The following SCD5 variants were observed in gnomAD, a reference collection of about 807,000 sequenced individuals.
SCD5 encodes the protein stearoyl-CoA desaturase 5, also known as acyl-CoA-desaturase 4.
A neutral mutation model predicts 30.4 loss-of-function variants in SCD5; 20 were observed. The observed-to-expected ratio is 0.66, with a 90% CI of 0.46 to 0.96. SCD5 has a LOEUF of 0.96. Ranked by LOEUF, SCD5 falls within the 40% of genes least tolerant of loss-of-function variation. SCD5 has a pLI of 0.00. For synonymous variants in SCD5, 173 were observed against 176.4 expected, an observed-to-expected ratio of 0.98 and a Z score of 0.16; for missense variants, 381 against 443.3, an observed-to-expected ratio of 0.86 and a Z score of 1.26.
intron 1 of SCD5, among the ~76,000 whole-genome samples, chr4:82,788,252 T>C (rs532612939): frequency 3.9e-5 from 6 of 152,284 alleles, no homozygotes; most frequent in African/African-American, 1.4e-4. Flanking sequence ...AGTCACCCAG[T>C]TTGTGGTACT....
At chr4:82,651,477 G>T (rs1446631038) in intron 3 of SCD5, among the ~76,000 whole-genome samples, 1 of 151,988 alleles carries the variant, frequency 6.6e-6, no homozygotes, top group Non-Finnish European at 1.5e-5. Context: ...AGGGTGGGGG[G>T]TGGTGAGGGA....
chr4:82,754,781 T>C (rs1721197634), intron 1 of SCD5, among the ~76,000 whole-genome samples: 1 of 152,192 alleles, frequency 6.6e-6, no homozygotes, highest in Non-Finnish European at 1.5e-5. Flanking sequence ...CTGCAGAGCC[T>C]GGGGATGAAG....
intron 1 of SCD5, among the ~76,000 whole-genome samples, chr4:82,737,908 A>G (rs1720784729): frequency 6.6e-6 from 1 of 152,070 alleles, no homozygotes; most frequent in African/African-American, 2.4e-5. Context: ...ACAAAACTTA[A>G]GTATTTGAAA....
chr4:82,798,167 C>G (rs538689420), intron 1 of SCD5, 139 bp downstream of exon 1: 3 of 975,076 alleles, frequency 3.1e-6, no homozygotes, highest in Middle Eastern at 4.7e-4. Context: ...CCAAGGGGGC[C>G]GCGGCGCGCA....
At chr4:82,646,182 T>C (rs967814228) in intron 3 of SCD5, among the ~76,000 whole-genome samples, 2 of 152,182 alleles carry the variant, frequency 1.3e-5, no homozygotes, top group Admixed American at 6.5e-5. Context: ...CTTAACATGT[T>C]TGGATTTTTA....
intron 3 of SCD5, among the ~76,000 whole-genome samples, chr4:82,637,839 C>CT (rs777852694): frequency 3.0e-4 from 46 of 151,702 alleles, no homozygotes; most frequent in Non-Finnish European, 4.1e-4. Flanking sequence ...GAACATGCCT[C>CT]TTTTTTTTTC....
chr4:82,655,583 G>A (rs1727852992), intron 3 of SCD5, among the ~76,000 whole-genome samples: 1 of 152,210 alleles, frequency 6.6e-6, no homozygotes, highest in Admixed American at 6.5e-5. Context: ...TGGAAGTCAT[G>A]AGAGAATGCC....
chr4:82,784,859 C>A (rs1287961388), intron 1 of SCD5, among the ~76,000 whole-genome samples: 1 of 152,210 alleles, frequency 6.6e-6, no homozygotes, highest in Non-Finnish European at 1.5e-5. Context: ...CAGATTTAAG[C>A]CCTGCAGCTG....
At chr4:82,676,735 G>A (rs1728444679) in intron 3 of SCD5, among the ~76,000 whole-genome samples, 1 of 152,222 alleles carries the variant, frequency 6.6e-6, no homozygotes, top group African/African-American at 2.4e-5. Flanking sequence ...ACTTTGTGGA[G>A]AGAAGTGTGG....
chr4:82,730,646 CG>C (rs1309766693), intron 1 of SCD5, among the ~76,000 whole-genome samples: 1 of 136,658 alleles, frequency 7.3e-6, no homozygotes, highest in Non-Finnish European at 1.5e-5. Context: ...AGTGCAGTGG[CG>C]GGATCTTGGC....
At chr4:82,640,715 T>A (rs1727524690) in intron 3 of SCD5, among the ~76,000 whole-genome samples, 2 of 152,192 alleles carry the variant, frequency 1.3e-5, no homozygotes, top group African/African-American at 4.8e-5. Context: ...TCACTGGCCT[T>A]TGTGCTTCAG....
intron 1 of SCD5, among the ~76,000 whole-genome samples, chr4:82,768,281 CTGTT>C (rs1192965397): frequency 4.6e-5 from 7 of 152,140 alleles, no homozygotes; most frequent in Non-Finnish European, 8.8e-5. Context: ...AAATCCAAGT[CTGTT>C]TGGCACTAAA....
At chr4:82,660,465 T>C (rs1225142598) in intron 3 of SCD5, 1 of 950,180 alleles carries the variant, frequency 1.1e-6, no homozygotes, top group Non-Finnish European at 1.3e-6. Flanking sequence ...TACAGGTTTT[T>C]AGAACCTAAA....
chr4:82,794,696 C>G (rs2148855326), intron 1 of SCD5, among the ~76,000 whole-genome samples: 1 of 149,884 alleles, frequency 6.7e-6, no homozygotes, highest in African/African-American at 2.5e-5. Context: ...GTCGCCTAGG[C>G]TGGAGTGCAG....
intron 1 of SCD5, among the ~76,000 whole-genome samples, chr4:82,786,805 A>AC (rs1461614694): frequency 6.6e-6 from 1 of 151,590 alleles, no homozygotes; most frequent in Non-Finnish European, 1.5e-5. Flanking sequence ...AAAAAAAAAA[A>AC]AAAAAACAAG....
At chr4:82,695,636 T>C (rs1174372516) in intron 2 of SCD5, among the ~76,000 whole-genome samples, 1 of 152,220 alleles carries the variant, frequency 6.6e-6, no homozygotes, top group East Asian at 1.9e-4. Context: ...GGACATCCAA[T>C]AAGAGATGTC....
At chr4:82,732,157 G>C (rs1055254282) in intron 1 of SCD5, among the ~76,000 whole-genome samples, 1 of 152,018 alleles carries the variant, frequency 6.6e-6, no homozygotes, top group Non-Finnish European at 1.5e-5. Context: ...CTGGAGTGCA[G>C]TGGTGTGATC....
intron 1 of SCD5, among the ~76,000 whole-genome samples, chr4:82,753,047 C>T (rs1276888295): frequency 2.6e-5 from 4 of 152,176 alleles, no homozygotes; most frequent in African/African-American, 9.7e-5. Context: ...TGGGGACCCA[C>T]ACCATCAGTT....
At chr4:82,660,467 G>T in intron 3 of SCD5, 2 of 948,404 alleles carry the variant, frequency 2.1e-6, no homozygotes, top group Admixed American at 5.3e-5. Flanking sequence ...CAGGTTTTTA[G>T]AACCTAAAGT....
Sources: allele counts gnomAD v4.1 joint callset (sites outside exome capture counted in the v4.1 genomes callset), GRCh38; gene constraint gnomAD v4.1.1; transcripts MANE v1.5; gene names NCBI Gene and HGNC (gene_info 2026-07-23, HGNC 2026-07-21).